ACP7: variants seen among roughly 807,000 people sequenced by gnomAD.
ACP7 encodes the protein acid phosphatase type 7.
ACP7 carries 58 observed loss-of-function variants against 60.6 expected under a neutral mutation model. The observed-to-expected ratio is 0.96, with a 90% confidence interval of 0.77 to 1.19. ACP7 has a LOEUF of 1.19. Ranked by LOEUF, ACP7 falls within the 50% of genes most tolerant of loss-of-function variation. The pLI is 0.00. For missense variants in ACP7, 574 were observed against 596.2 expected (o/e 0.96, Z 0.39); for synonymous variants, 237 against 232.6 (o/e 1.02, Z -0.17).
intron 11 of ACP7, 123 bp downstream of exon 11, chr19:39,101,660 G>A: frequency 2.7e-6 from 3 of 1,092,436 alleles, no homozygotes; most frequent in Non-Finnish European, 3.9e-6. Flanking sequence ...TCAGCCCTAA[G>A]GTCGGGAACT....
intron 2 of ACP7, among the ~76,000 whole-genome samples, chr19:39,093,029 T>C (rs1600255902): frequency 6.6e-6 from 1 of 151,880 alleles, no homozygotes; most frequent in African/African-American, 2.4e-5. Context: ...CCACCTGCCT[T>C]GGCCTCCCAA....
chr19:39,095,856 T>C (rs1245678368), intron 2 of ACP7, among the ~76,000 whole-genome samples: 1 of 152,200 alleles, frequency 6.6e-6, no homozygotes, highest in Non-Finnish European at 1.5e-5. Context: ...CTCAAAACCA[T>C]GTGGAAGCTG....
chr19:39,090,335 AG>A (rs2073190168), intron 2 of ACP7, among the ~76,000 whole-genome samples: 1 of 151,876 alleles, frequency 6.6e-6, no homozygotes, highest in African/African-American at 2.4e-5. Context: ...TGCCTGGCCA[AG>A]TTTTTGTAAT....
chr19:39,103,484 A>G (rs1239497149), intron 11 of ACP7, among the ~76,000 whole-genome samples: 6 of 87,080 alleles, frequency 6.9e-5, no homozygotes, highest in Non-Finnish European at 1.1e-4. Flanking sequence ...CTTAGAATCT[A>G]CCCCTTCTCC....
intron 2 of ACP7, among the ~76,000 whole-genome samples, chr19:39,086,782 G>A (rs1412930682): frequency 6.6e-6 from 1 of 152,056 alleles, no homozygotes; most frequent in Admixed American, 6.6e-5. Flanking sequence ...TAAAATTTAT[G>A]GAGAAGTTCA....
At position 39,110,029 on chromosome 19, in the gene ACP7, T is replaced by A. The variant is rs767562962; in HGVS notation, c.1252-24T>A. ...AGTTCAGGCTTTCAGCTCTAACTAC[T>A]GTCCCTGTTTTTGTCCCTCACAGGA... On this transcript the variant is annotated intron_variant, in intron 12 of 12. Transcript: ENST00000331256. 1.1e-5 allele frequency: 17 copies of A among 1,606,982 alleles called. No homozygotes were observed. In the African/African-American group the frequency reaches 2.3e-4, roughly 21 times the overall value.
At chr19:39,098,765 C>T in intron 3 of ACP7, 107 bp downstream of exon 3, 6 of 1,366,118 alleles carry the variant, frequency 4.4e-6, no homozygotes, top group Non-Finnish European at 5.9e-6. Context: ...GGTAACTCCA[C>T]TGCCTATCTG....
In ACP7 at chr19:39,097,230, C is replaced by T. The variant is rs570469508; in HGVS notation, c.122-1228C>T. Among the ~76,000 whole-genome samples, 4 of 152,202 alleles carry T rather than the reference C, an allele frequency of 2.6e-5. No individual in the cohort carries two copies. In the South Asian group the frequency reaches 8.3e-4, roughly 32 times the overall value. ...ATGAGAACAGTATGGGGGAAACCACCACCTTGATTCAGTCTCCCACTGGTC... is the reference window on the plus strand; with the variant it reads ...ATGAGAACAGTATGGGGGAAACCACTACCTTGATTCAGTCTCCCACTGGTC... On this transcript the variant is annotated intron_variant, in intron 2 of 12. Coordinates refer to ENST00000331256, the MANE Select transcript of ACP7 (RefSeq NM_001004318.3).
At position 39,095,616 on chromosome 19, in the gene ACP7, G is replaced by T. The variant is rs559938215; in HGVS notation, c.122-2842G>T. 3.3e-5 allele frequency among the ~76,000 whole-genome samples: 5 copies of T among 152,330 alleles called. No individual in the cohort carries two copies. In the South Asian group the frequency reaches 1.0e-3, roughly 32 times the overall value. ...AGCTGTTGGTGGATCTACAATTCTG[G>T]AGTCTGGAGGACAGTGGCCCTCTTT... On this transcript the variant is annotated intron_variant, in intron 2 of 12. Coordinates refer to ENST00000331256, the MANE Select transcript of ACP7 (RefSeq NM_001004318.3).
At chr19:39,097,007 G>A (rs555231358) in intron 2 of ACP7, among the ~76,000 whole-genome samples, 102 of 152,202 alleles carry the variant, frequency 6.7e-4, no homozygotes, top group Non-Finnish European at 1.2e-3. Flanking sequence ...TCACCATGTT[G>A]GCCAGGATGG....
In ACP7 at chr19:39,100,778, C is replaced by T. The variant is rs754293145; in HGVS notation, c.732C>T (p.Thr244=). Residue 244 remains threonine (T), a synonymous_variant, in exon 7 of 13, where the codon ACC becomes ACT. Coordinates refer to ENST00000331256, the MANE Select transcript of ACP7 (RefSeq NM_001004318.3). Reference sequence around the variant, plus strand: ...CCGCCCACATCATCTCCTTCTCCACCGAGGTCTATTTCTTTCTCCATTATG... The same window carrying T: ...CCGCCCACATCATCTCCTTCTCCACTGAGGTCTATTTCTTTCTCCATTATG... ...LGPAHIISFS[T]EVYFFLHYGR... 3.7e-5 allele frequency: 59 copies of T among 1,613,908 alleles called. No homozygotes were observed. Among genetic ancestry groups the T allele is most frequent in the East Asian group, 2.7e-4 (12 of 44,880 alleles).
intron 12 of ACP7, among the ~76,000 whole-genome samples, chr19:39,108,670 G>A (rs750678889): frequency 2.0e-5 from 3 of 152,114 alleles, no homozygotes; most frequent in Admixed American, 6.6e-5. Flanking sequence ...TGTGGTACAG[G>A]TGGCTTAAGG....
In ACP7 at chr19:39,098,941, CT is replaced by C; in HGVS notation, c.323-15del. 1 of 1,606,500 alleles carries C rather than the reference CT, an allele frequency of 6.2e-7. No homozygotes were observed. The highest frequency in any genetic ancestry group is 2.2e-5 in the East Asian group (1 of 44,508). On this transcript the variant is annotated intron_variant, in intron 3 of 12. Transcript: ENST00000331256. ...CCGGGGCGCCCCAGCTGACTGCGAC[CT>C]TTTCCTCTCCCATTCAGTTTATCGC...
chr19:39,094,481 C>T (rs1428159536), intron 2 of ACP7, among the ~76,000 whole-genome samples: 9 of 141,546 alleles, frequency 6.4e-5, no homozygotes, highest in African/African-American at 8.0e-5. Context: ...CCAGCTTGGG[C>T]GACAGAGTGA....
rs142414855 is a variant in ACP7, at chr19:39,099,028, C to A, written c.391C>A (p.His131Asn). 19 of 1,613,366 alleles carry A rather than the reference C, an allele frequency of 1.2e-5. No homozygotes were observed. In the African/African-American group the frequency reaches 2.4e-4, roughly 20 times the overall value. Residue 131 changes from histidine to asparagine, a missense_variant, in exon 4 of 13, where the codon CAC becomes AAC. By Grantham distance (68) the His-to-Asn change is moderately conservative. Coordinates refer to ENST00000331256, the MANE Select transcript of ACP7 (RefSeq NM_001004318.3). ...CTTCAGGGCCCTCAAGAATGGGGCC[C>A]ACTGGAGTCCCCGTCTGGCTGTGTT... ...FRFRALKNGA[H>N]WSPRLAVFGD...
intron 11 of ACP7, among the ~76,000 whole-genome samples, chr19:39,105,259 C>T (rs1382344215): frequency 1.3e-5 from 2 of 151,924 alleles, no homozygotes; most frequent in African/African-American, 4.8e-5. Context: ...TCGTGATCTG[C>T]CCGCCTCGGC....
chr19:39,084,585 G>C (rs2073119807), intron 1 of ACP7, among the ~76,000 whole-genome samples, 185 bp downstream of exon 1: 1 of 151,816 alleles, frequency 6.6e-6, no homozygotes, highest in Admixed American at 6.6e-5. Context: ...GGCCATGATG[G>C]GCTCTAAAGG....
chr19:39,097,066 C>G (rs936182773), intron 2 of ACP7, among the ~76,000 whole-genome samples: 2 of 152,190 alleles, frequency 1.3e-5, no homozygotes, highest in Non-Finnish European at 2.9e-5. Flanking sequence ...TCCCAAAGTG[C>G]TGGGTTTACA....
At chr19:39,107,426 C>T (rs894019283) in intron 12 of ACP7, among the ~76,000 whole-genome samples, 1 of 150,810 alleles carries the variant, frequency 6.6e-6, no homozygotes, top group Non-Finnish European at 1.5e-5. Context: ...ACTAAAAATA[C>T]AAAAAAAATT....
Sources: gnomAD v4.1 joint callset for allele counts (sites outside exome capture counted in the v4.1 genomes callset) on GRCh38, gnomAD v4.1.1 for gene constraint, MANE v1.5 for transcripts, NCBI Gene and HGNC (gene_info 2026-07-23, HGNC 2026-07-21) for gene names.